Variants in MCUB observed in about 807,000 individuals in gnomAD.
MCUB encodes calcium uniporter regulatory subunit MCUb, mitochondrial.
In MCUB, 46 loss-of-function variants were observed where a neutral mutation model predicts 41.4. The ratio of observed to expected loss-of-function variants is 1.11; its 90% confidence interval spans 0.88 to 1.42. The LOEUF (loss-of-function observed/expected upper bound fraction) is 1.42. Among genes scored for constraint, MCUB ranks in the 40% most tolerant of loss-of-function variants. The probability of loss-of-function intolerance (pLI) is 0.00; values close to 1 mark genes in which losing one functional copy is unlikely to be tolerated. For missense variants in MCUB, 403 were observed against 404.9 expected (o/e 1.00, Z 0.04); for synonymous variants, 148 against 148.2 (o/e 1.00, Z 0.01).
chr4:109,593,710 C>A (rs1727492037), intron 1 of MCUB, among the ~76,000 whole-genome samples: 1 of 152,180 alleles, frequency 6.6e-6, no homozygotes, highest in African/African-American at 2.4e-5. Context: ...ATGCAACATA[C>A]CCTTACATCT....
chr4:109,621,690 C>A (rs1281063252), intron 1 of MCUB, among the ~76,000 whole-genome samples: 1 of 152,070 alleles, frequency 6.6e-6, no homozygotes, highest in Non-Finnish European at 1.5e-5. Context: ...AAATAAGGGG[C>A]AGAGTATATT....
At chr4:109,676,078 T>C (rs1439150802) in intron 4 of MCUB, among the ~76,000 whole-genome samples, 6 of 152,186 alleles carry the variant, frequency 3.9e-5, no homozygotes, top group African/African-American at 1.4e-4. Flanking sequence ...AATTTGGTAA[T>C]GGGCAAAGGC....
At chr4:109,596,396 C>T (rs1276552744) in intron 1 of MCUB, among the ~76,000 whole-genome samples, 2 of 141,718 alleles carry the variant, frequency 1.4e-5, no homozygotes, top group South Asian at 5.0e-4. Context: ...GAAGAGGAGG[C>T]AGCAAGGTCC....
At chr4:109,569,475 A>G (rs986870673) in intron 1 of MCUB, among the ~76,000 whole-genome samples, 3 of 148,112 alleles carry the variant, frequency 2.0e-5, no homozygotes, top group Non-Finnish European at 3.0e-5. Flanking sequence ...TGCCTGGCAT[A>G]TAAGTATTTT....
chr4:109,594,853 C>T (rs1223427634), intron 1 of MCUB, among the ~76,000 whole-genome samples: 7 of 149,842 alleles, frequency 4.7e-5, no homozygotes, highest in Non-Finnish European at 1.0e-4. Flanking sequence ...CAAATAATAT[C>T]AAATACCAAA....
intron 3 of MCUB, among the ~76,000 whole-genome samples, chr4:109,663,089 C>T (rs960281136): frequency 1.3e-5 from 2 of 152,168 alleles, no homozygotes; most frequent in African/African-American, 2.4e-5. Flanking sequence ...CCAGTTTCTT[C>T]GGGATGTTAC....
chr4:109,647,842 C>T (rs1008930281), intron 1 of MCUB, among the ~76,000 whole-genome samples: 1 of 152,104 alleles, frequency 6.6e-6, no homozygotes, highest in Non-Finnish European at 1.5e-5. Context: ...CTGCACCTGG[C>T]CCACATAATT....
intron 1 of MCUB, among the ~76,000 whole-genome samples, chr4:109,571,578 G>A (rs1395887229): frequency 2.0e-5 from 3 of 152,206 alleles, no homozygotes; most frequent in Non-Finnish European, 4.4e-5. Flanking sequence ...CTCCCAAAGT[G>A]CAGGGATTAC....
At chr4:109,604,123 C>G (rs901459461) in intron 1 of MCUB, among the ~76,000 whole-genome samples, 1 of 151,904 alleles carries the variant, frequency 6.6e-6, no homozygotes, top group Non-Finnish European at 1.5e-5. Flanking sequence ...GCTGTGTCCA[C>G]TCAGGGTTAA....
chr4:109,575,314 A>G (rs1221408567), intron 1 of MCUB, among the ~76,000 whole-genome samples: 1 of 152,116 alleles, frequency 6.6e-6, no homozygotes, highest in East Asian at 1.9e-4. Flanking sequence ...AGTGAGAGTA[A>G]TTTTGTTTTA....
chr4:109,658,728 A>G (rs1033806275), intron 1 of MCUB, among the ~76,000 whole-genome samples: 6 of 152,202 alleles, frequency 3.9e-5, no homozygotes, highest in African/African-American at 1.4e-4. Flanking sequence ...TACTGAAAGT[A>G]AAAATTCTCA....
At chr4:109,614,600 G>T (rs1194771251) in intron 1 of MCUB, among the ~76,000 whole-genome samples, 1 of 150,442 alleles carries the variant, frequency 6.6e-6, no homozygotes, top group East Asian at 1.9e-4. Flanking sequence ...AATTTCTGTT[G>T]TTTAAGCCAC....
rs896598684 is a variant in MCUB, at chr4:109,645,938, G to A, written c.100-13073G>A. Among the ~76,000 whole-genome samples, 5 of 152,114 alleles carry A rather than the reference G, an allele frequency of 3.3e-5. No homozygotes were observed. In the South Asian group the frequency reaches 6.2e-4, roughly 19 times the overall value. On this transcript the variant is annotated intron_variant, in intron 1 of 7. Transcript: ENST00000394650. ...TTGTCACTCTCTCACTACCTCTCAC[G>A]CTATGCAAGTACATACATCAGCATA...
intron 1 of MCUB, among the ~76,000 whole-genome samples, chr4:109,619,611 G>A (rs915155158): frequency 6.6e-5 from 10 of 152,136 alleles, no homozygotes; most frequent in African/African-American, 2.4e-4. Flanking sequence ...GGAGGCTGAG[G>A]CAGGAGAATC....
Position 109,687,685 on chromosome 4 carries a change from A to T in MCUB, c.*93A>T. ...GTCCCATGGTTCATTTTGATTGTTT[A>T]ATCTTTGTTATTAAATTCTTGTAAA... On this transcript the variant is annotated 3_prime_UTR_variant, in exon 8 of 8. Coordinates refer to ENST00000394650, the MANE Select transcript of MCUB (RefSeq NM_017918.5). The T allele has an allele frequency of 1.3e-6, 1 of 746,130 alleles. No individual in the cohort carries two copies. 46.2% of individuals were successfully genotyped at this position (746,130 alleles called of 1,614,324 possible).
At chr4:109,623,053 A>G (rs1340774413) in intron 1 of MCUB, among the ~76,000 whole-genome samples, 1 of 152,176 alleles carries the variant, frequency 6.6e-6, no homozygotes, top group Non-Finnish European at 1.5e-5. Context: ...TACTCTTGAG[A>G]TGAAACTCAA....
chr4:109,568,347 G>A (rs1387598392), intron 1 of MCUB, among the ~76,000 whole-genome samples: 2 of 152,096 alleles, frequency 1.3e-5, no homozygotes, highest in Non-Finnish European at 2.9e-5. Flanking sequence ...AACATAAACT[G>A]CAGTTGAACC....
intron 1 of MCUB, among the ~76,000 whole-genome samples, chr4:109,610,234 G>A (rs1727976268): frequency 6.6e-6 from 1 of 152,228 alleles, no homozygotes; most frequent in Admixed American, 6.5e-5. Flanking sequence ...TGCCTGGAAT[G>A]GCAGACCCCA....
intron 1 of MCUB, among the ~76,000 whole-genome samples, chr4:109,597,888 G>GCCA: frequency 6.6e-6 from 1 of 151,028 alleles, no homozygotes; most frequent in African/African-American, 2.4e-5. Context: ...CGGGGTGGCT[G>GCCA]GGCAGAGACG....
Sources: gnomAD v4.1 joint callset for allele counts (sites outside exome capture counted in the v4.1 genomes callset) on GRCh38, gnomAD v4.1.1 for gene constraint, MANE v1.5 for transcripts, NCBI Gene and HGNC (gene_info 2026-07-23, HGNC 2026-07-21) for gene names.